The following ZNF362 variants were observed in gnomAD, a reference collection of about 807,000 sequenced individuals.
ZNF362 encodes the protein zinc finger protein 362, also known as rotund homolog.
Under a neutral mutation model 42.9 loss-of-function variants are expected in ZNF362, and 11 were observed. That is an observed-to-expected ratio of 0.26 (90% confidence interval 0.16 to 0.42). The LOEUF (loss-of-function observed/expected upper bound fraction) is 0.42. Ranked by LOEUF, ZNF362 falls within the 20% of genes least tolerant of loss-of-function variation. The pLI is 1.00. For missense variants in ZNF362, 362 were observed against 576.2 expected (o/e 0.63, Z 3.81); for synonymous variants, 255 against 257.3 (o/e 0.99, Z 0.09).
At chr1:33,213,000 A>G in the ZNF362 span, among the ~76,000 whole-genome samples, 2 of 152,266 alleles carry the variant, frequency 1.3e-5, no homozygotes, top group African/African-American at 2.4e-5. Context: ...TGGCACATCC[A>G]TACAATGGAA....
the ZNF362 span, among the ~76,000 whole-genome samples, chr1:33,177,921 A>C: frequency 5.9e-5 from 9 of 152,358 alleles, no homozygotes; most frequent in Non-Finnish European, 4.4e-5. This position sits in a 1 kb window ranked among gnomAD's most constrained non-coding sequence, Gnocchi z 4.1. Context: ...TGAAGGACCC[A>C]AGGCTCAGAG....
chr1:33,249,610 C>T, the ZNF362 span, among the ~76,000 whole-genome samples: 6 of 151,966 alleles, frequency 3.9e-5, no homozygotes, highest in African/African-American at 7.3e-5. Context: ...AGTTTCACAC[C>T]GACGTGAATT....
At chr1:33,201,644 T>C in the ZNF362 span, among the ~76,000 whole-genome samples, 277 of 152,238 alleles carry the variant, frequency 1.8e-3, 1 homozygote, top group African/African-American at 6.5e-3. Context: ...ACATAGTACA[T>C]AGAAGGAAAG....
intron 6 of ZNF362, among the ~76,000 whole-genome samples, chr1:33,283,679 TG>T (rs959185216): frequency 1.2e-4 from 18 of 152,056 alleles, no homozygotes; most frequent in African/African-American, 3.4e-4. Flanking sequence ...CACTCCAGCC[TG>T]GGGGACAGAG....
the ZNF362 span, among the ~76,000 whole-genome samples, chr1:33,249,837 CCA>C: frequency 6.6e-6 from 1 of 152,122 alleles, no homozygotes; most frequent in Non-Finnish European, 1.5e-5. Context: ...CTGGCCTAAC[CCA>C]CACGTTCTCT....
chr1:33,233,846 C>T, the ZNF362 span, among the ~76,000 whole-genome samples: 1 of 152,180 alleles, frequency 6.6e-6, no homozygotes, highest in Non-Finnish European at 1.5e-5. Flanking sequence ...CCAGCTCCAT[C>T]ACTTCCTAAA....
chr1:33,133,037 TC>T, the ZNF362 span, among the ~76,000 whole-genome samples: 1 of 152,210 alleles, frequency 6.6e-6, no homozygotes, highest in African/African-American at 2.4e-5. Context: ...GGCTTTGTGC[TC>T]CTTGGTAAGG....
chr1:33,151,735 A>C, the ZNF362 span, among the ~76,000 whole-genome samples: 1 of 152,226 alleles, frequency 6.6e-6, no homozygotes, highest in African/African-American at 2.4e-5. Context: ...CATTCATTTA[A>C]GCATCTCTGA....
At chr1:33,176,580 C>G in the ZNF362 span, 1 of 557,752 alleles carries the variant, frequency 1.8e-6, no homozygotes, top group South Asian at 2.2e-5. Flanking sequence ...CACGTCTGCT[C>G]TGACCAAGAT....
the ZNF362 span, among the ~76,000 whole-genome samples, chr1:33,162,270 G>A: frequency 4.6e-5 from 7 of 152,118 alleles, no homozygotes; most frequent in East Asian, 9.6e-4. Flanking sequence ...CCTCCCTAGC[G>A]CCACTGCATT....
At chr1:33,217,566 C>A in the ZNF362 span, among the ~76,000 whole-genome samples, 2 of 152,196 alleles carry the variant, frequency 1.3e-5, no homozygotes, top group Non-Finnish European at 2.9e-5. Context: ...TGGGCTCCCC[C>A]ACCTGGGGAA....
the ZNF362 span, among the ~76,000 whole-genome samples, chr1:33,131,955 GC>G: frequency 2.0e-5 from 3 of 152,138 alleles, no homozygotes; most frequent in African/African-American, 4.8e-5. Flanking sequence ...GATTGCAAGG[GC>G]CTTCTGAATC....
rs1312877266 is a variant in ZNF362, at chr1:33,280,193, C to T, written c.419C>T (p.Thr140Met). The T allele has an allele frequency of 3.1e-6, 5 of 1,612,888 alleles. No homozygotes were observed. The highest frequency in any genetic ancestry group is 2.7e-5 in the African/African-American group (2 of 74,886). Residue 140 changes from threonine (T) to methionine (M), a missense_variant, in exon 5 of 9, where the codon ACG (threonine) becomes ATG (methionine). By Grantham distance (81) the Thr-to-Met change is moderately conservative. Coordinates refer to ENST00000539719, the MANE Select transcript of ZNF362 (RefSeq NM_152493.3). The surrounding 1 kb of genome is among the most constrained non-coding windows in gnomAD (Gnocchi z 5.6). ...TCAAGCGCGGGCGCGGGCACGGGCA[C>T]GGGTACCAGCACCCCGTCCACACCC... ...SESSAGAGTGTGTSTPSTPTT... is the reference protein window; with the variant it reads ...SESSAGAGTGMGTSTPSTPTT...
chr1:33,246,926 GGTTGGAGTAGCT>G, the ZNF362 span, among the ~76,000 whole-genome samples: 1 of 152,220 alleles, frequency 6.6e-6, no homozygotes, highest in East Asian at 1.9e-4. Context: ...CTGAACTGAA[GGTTGGAGTAGCT>G]GTTGGTGCTC....
At chr1:33,268,344 A>G (rs966406546) in intron 1 of ZNF362, among the ~76,000 whole-genome samples, 1 of 152,184 alleles carries the variant, frequency 6.6e-6, no homozygotes, top group East Asian at 1.9e-4. Context: ...AGTTCCCCCC[A>G]CCTGATTATT....
chr1:33,178,155 C>T, the ZNF362 span, among the ~76,000 whole-genome samples: 1 of 152,194 alleles, frequency 6.6e-6, no homozygotes, highest in South Asian at 2.1e-4. Flanking sequence ...CCCTTCCTCC[C>T]TCTCCCTCTC....
chr1:33,139,333 T>C, the ZNF362 span, among the ~76,000 whole-genome samples: 1 of 152,140 alleles, frequency 6.6e-6, no homozygotes, highest in Admixed American at 6.5e-5. Flanking sequence ...TAGCTACTTT[T>C]CAGCCAGAAA....
At chr1:33,269,519 T>G (rs965467527) in intron 1 of ZNF362, among the ~76,000 whole-genome samples, 2 of 152,168 alleles carry the variant, frequency 1.3e-5, no homozygotes, top group African/African-American at 4.8e-5. Flanking sequence ...CTAGTTCCCA[T>G]GTGACCATGG....
At chr1:33,275,013 C>G (rs1340765984) in intron 2 of ZNF362, 1 of 985,290 alleles carries the variant, frequency 1.0e-6, no homozygotes, top group Non-Finnish European at 1.2e-6. Context: ...GTTTCTCAAG[C>G]TCATAGAATC....
Sources: allele counts gnomAD v4.1 joint callset (sites outside exome capture counted in the v4.1 genomes callset), GRCh38; gene constraint gnomAD v4.1.1; non-coding constraint Gnocchi (gnomAD v3.1); transcripts MANE v1.5; gene names NCBI Gene and HGNC (gene_info 2026-07-23, HGNC 2026-07-21).